The following MAGI2 variants were observed in gnomAD, a reference collection of about 807,000 sequenced individuals.
The protein encoded by MAGI2 is membrane-associated guanylate kinase, WW and PDZ domain-containing protein 2.
Under a neutral mutation model 133.3 loss-of-function variants are expected in MAGI2, and 35 were observed. The observed-to-expected ratio is 0.26, with a 90% CI of 0.20 to 0.35. MAGI2 has a LOEUF of 0.35. Among genes scored for constraint, MAGI2 ranks in the 10% least tolerant of loss-of-function variants. The probability of loss-of-function intolerance (pLI) is 1.00; values close to 1 mark genes in which losing one functional copy is unlikely to be tolerated. For missense variants in MAGI2, 1,636 were observed against 1,863.4 expected, an observed-to-expected ratio of 0.88 and a Z score of 2.25; for synonymous variants, 729 against 710.6, an observed-to-expected ratio of 1.03 and a Z score of -0.41.
At chr7:79,098,408 A>T (rs1817692463) in intron 1 of MAGI2, among the ~76,000 whole-genome samples, 2 of 152,320 alleles carry the variant, frequency 1.3e-5, no homozygotes, top group South Asian at 4.1e-4. Context: ...TACAATGCAT[A>T]CAGCACTTAA....
At chr7:78,542,927 T>A (rs1477924955) in intron 3 of MAGI2, among the ~76,000 whole-genome samples, 1 of 152,172 alleles carries the variant, frequency 6.6e-6, no homozygotes. Context: ...GAAGACTAGA[T>A]TAGAAGTGTG....
In MAGI2 at chr7:78,017,076, T is replaced by G. The variant is rs1807862552; in HGVS notation, c.*2239A>C. Reference sequence around the variant, plus strand: ...CCTATATAGTTGGAAAAAGAAAAGATTTTTGGATATATATTTTATTTGACA... The same window carrying G: ...CCTATATAGTTGGAAAAAGAAAAGAGTTTTGGATATATATTTTATTTGACA... On this transcript the variant is annotated 3_prime_UTR_variant, in exon 22 of 22. Transcript: ENST00000354212. The G allele has an allele frequency of 6.6e-6, 1 of 152,644 alleles. No individual in the cohort carries two copies. The highest frequency in any genetic ancestry group is 6.5e-5 in the Admixed American group (1 of 15,282). 9.5% of individuals were successfully genotyped at this position (152,644 alleles called of 1,614,324 possible). A position where few individuals can be genotyped will look rare whatever the true frequency, so the allele number is the denominator to read the frequency against.
At chr7:78,491,375 C>T (rs901309311) in intron 5 of MAGI2, among the ~76,000 whole-genome samples, 3 of 152,076 alleles carry the variant, frequency 2.0e-5, no homozygotes, top group Non-Finnish European at 2.9e-5. Flanking sequence ...AGAACTGTGA[C>T]ATAACGACCC....
rs545702807 is a variant in MAGI2 at position 78,683,031 on chromosome 7, T to A, written c.419-55792A>T. 1.8e-4 allele frequency among the ~76,000 whole-genome samples: 28 copies of A among 152,254 alleles called. 1 individual carries two copies. In the South Asian group the frequency reaches 5.6e-3, roughly 30 times the overall value. On this transcript the variant is annotated intron_variant, in intron 2 of 21. Coordinates refer to ENST00000354212, the MANE Select transcript of MAGI2 (RefSeq NM_012301.4). ...TTGAGAGAATCTAGCTTGTAATAAA[T>A]CCAGAAGTGAATTATGGAAGAAAAT...
intron 9 of MAGI2, among the ~76,000 whole-genome samples, chr7:78,284,601 G>A (rs11761364): frequency 0.19 from 29,389 of 151,894 alleles, 3,263 homozygotes; most frequent in South Asian, 0.31. Flanking sequence ...AGTGGATTCA[G>A]CATGATTTCC....
At chr7:78,091,298 A>G (rs1470865349) in intron 20 of MAGI2, among the ~76,000 whole-genome samples, 1 of 152,190 alleles carries the variant, frequency 6.6e-6, no homozygotes, top group Non-Finnish European at 1.5e-5. Context: ...GAATGCTGCT[A>G]TTAAAAGGGC....
At chr7:78,705,230 A>G (rs1818515607) in intron 2 of MAGI2, among the ~76,000 whole-genome samples, 1 of 151,976 alleles carries the variant, frequency 6.6e-6, no homozygotes, top group Non-Finnish European at 1.5e-5. Context: ...TGTTCTCATG[A>G]TAGTGAGTGA....
At chr7:79,137,715 G>T (rs752307052) in intron 1 of MAGI2, among the ~76,000 whole-genome samples, 11 of 151,850 alleles carry the variant, frequency 7.2e-5, no homozygotes, top group African/African-American at 2.7e-4. Context: ...CACTCACCTC[G>T]GCCTCCCAAA....
intron 2 of MAGI2, among the ~76,000 whole-genome samples, chr7:78,664,768 A>G (rs1018200429): frequency 6.6e-6 from 1 of 151,762 alleles, no homozygotes; most frequent in Non-Finnish European, 1.5e-5. Flanking sequence ...GTAAAAACAA[A>G]AAAATAAGAA....
chr7:78,989,039 A>G (rs750122344), intron 2 of MAGI2, among the ~76,000 whole-genome samples: 2 of 152,040 alleles, frequency 1.3e-5, no homozygotes, highest in African/African-American at 2.4e-5. Context: ...TTTTGTTTGC[A>G]ACTATGTCCA....
intron 2 of MAGI2, among the ~76,000 whole-genome samples, chr7:78,758,932 G>T (rs937537977): frequency 4.6e-5 from 7 of 152,030 alleles, no homozygotes; most frequent in African/African-American, 1.7e-4. Flanking sequence ...CAAATAATTT[G>T]TTTACACGTC....
At chr7:78,829,297 G>T (rs1455667833) in intron 2 of MAGI2, among the ~76,000 whole-genome samples, 1 of 151,954 alleles carries the variant, frequency 6.6e-6, no homozygotes, top group African/African-American at 2.4e-5. Flanking sequence ...GTGAGACAAG[G>T]CAAAACATAT....
At chr7:79,261,844 A>AT (rs1410877394) in intron 1 of MAGI2, among the ~76,000 whole-genome samples, 2 of 152,152 alleles carry the variant, frequency 1.3e-5, no homozygotes, top group Non-Finnish European at 2.9e-5. Context: ...CTAAATTATG[A>AT]TTTTCTATTC....
chr7:78,831,151 C>T (rs573343476), intron 2 of MAGI2, among the ~76,000 whole-genome samples: 10 of 152,228 alleles, frequency 6.6e-5, no homozygotes, highest in African/African-American at 2.2e-4. Flanking sequence ...TGATATGAAG[C>T]CCATACATTA....
intron 20 of MAGI2, among the ~76,000 whole-genome samples, chr7:78,095,219 G>A (rs754207004): frequency 2.0e-5 from 3 of 152,174 alleles, no homozygotes; most frequent in Non-Finnish European, 2.9e-5. Context: ...TCTCTCGTGA[G>A]GATGATTTGG....
intron 9 of MAGI2, among the ~76,000 whole-genome samples, chr7:78,332,204 AG>A (rs1341464830): frequency 6.6e-6 from 1 of 152,250 alleles, no homozygotes; most frequent in Non-Finnish European, 1.5e-5. Context: ...CAAAAAGAAA[AG>A]ACAGAAATGA....
intron 4 of MAGI2, chr7:78,518,510 C>T (rs1005860514): frequency 6.6e-6 from 1 of 152,104 alleles, no homozygotes. Flanking sequence ...ACTCCTAAAG[C>T]ATGGTAAGCA....
In MAGI2 at chr7:78,019,400, G is replaced by C. The variant is rs1808062553; in HGVS notation, c.4283C>G (p.Ala1428Gly). The C allele has an allele frequency of 5.9e-6, 7 of 1,186,082 alleles. No homozygotes were observed. Among genetic ancestry groups the C allele is most frequent in the Middle Eastern group, 3.4e-4 (1 of 2,954 alleles). The allele number at this position is 1,186,082 out of a possible 1,614,324, so 73.5% of individuals were successfully genotyped here. A position where few individuals can be genotyped will look rare whatever the true frequency, so the allele number is the denominator to read the frequency against. ...PPGGAPARKA[A>G]VAPGPWKVPG... Reference sequence around the variant, plus strand: ...CACCTTCCAGGGCCCCGGCGCGACGGCGGCCTTGCGCGCCGGGGCGCCCCC... The same window carrying C: ...CACCTTCCAGGGCCCCGGCGCGACGCCGGCCTTGCGCGCCGGGGCGCCCCC... Residue 1428 changes from alanine to glycine, a missense_variant, in exon 22 of 22, where the codon GCC (alanine) becomes GGC (glycine). Ala to Gly is a moderately conservative substitution (Grantham distance 60). This residue lies in a region of MAGI2 where 354 missense variants were observed against 298.7 expected (regional missense o/e 1.19). Coordinates refer to ENST00000354212, the MANE Select transcript of MAGI2 (RefSeq NM_012301.4).
intron 2 of MAGI2, among the ~76,000 whole-genome samples, chr7:78,789,798 A>C (rs888540926): frequency 6.6e-6 from 1 of 152,202 alleles, no homozygotes; most frequent in African/African-American, 2.4e-5. Context: ...TATTCATTCT[A>C]TCTCTAGCTC....
Sources: allele counts gnomAD v4.1 joint callset (sites outside exome capture counted in the v4.1 genomes callset), GRCh38; gene constraint gnomAD v4.1.1; regional missense constraint gnomAD v4.1.1; transcripts MANE v1.5; gene names NCBI Gene and HGNC (gene_info 2026-07-23, HGNC 2026-07-21).